RELN: variants seen among roughly 807,000 people sequenced by gnomAD.
RELN encodes the protein reelin.
RELN carries 108 observed loss-of-function variants against 427.6 expected under a neutral mutation model. That is an observed-to-expected ratio of 0.25 (90% confidence interval 0.22 to 0.30). RELN has a LOEUF of 0.30. Ranked by LOEUF, RELN falls within the 10% of genes least tolerant of loss-of-function variation. The probability of loss-of-function intolerance (pLI) is 1.00; values close to 1 mark genes in which losing one functional copy is unlikely to be tolerated. For missense variants in RELN, 3,715 were observed against 4,302.8 expected (o/e 0.86, Z 3.82); for synonymous variants, 1,524 against 1,513.4 (o/e 1.01, Z -0.16).
rs939354305 is a variant in RELN at position 103,603,165 on chromosome 7, A to G, written c.3333+139T>C. 1.3e-6 allele frequency: 1 copy of G among 755,382 alleles called. No homozygotes were observed. The highest frequency in any genetic ancestry group is 2.4e-6 in the Non-Finnish European group (1 of 421,744). 46.8% of individuals were successfully genotyped at this position (755,382 alleles called of 1,614,324 possible). A position where few individuals can be genotyped will look rare whatever the true frequency, so the allele number is the denominator to read the frequency against. On this transcript the variant is annotated intron_variant, in intron 24 of 64. Transcript: ENST00000428762. This position sits in a 1 kb window ranked among gnomAD's most constrained non-coding sequence, Gnocchi z 4.3. Reference sequence around the variant, plus strand: ...GAATTTCCCAAGACATAGCTAAGGAATAGGAATTTGATAGAGCCCACTCAA... The same window carrying G: ...GAATTTCCCAAGACATAGCTAAGGAGTAGGAATTTGATAGAGCCCACTCAA...
chr7:103,807,640 T>C (rs1038252777), intron 3 of RELN, among the ~76,000 whole-genome samples: 1 of 152,006 alleles, frequency 6.6e-6, no homozygotes, highest in African/African-American at 2.4e-5. Flanking sequence ...CAGTCCCCAG[T>C]GTCTATTGCT....
chr7:103,618,903 G>A (rs935806516), intron 20 of RELN, among the ~76,000 whole-genome samples: 1 of 152,106 alleles, frequency 6.6e-6, no homozygotes, highest in Non-Finnish European at 1.5e-5. Context: ...ACGAGGTCAG[G>A]AGATCGAAAC....
rs2711845 is a variant in RELN at position 103,492,333 on chromosome 7, A to G, written c.9370-307T>C. Among the ~76,000 whole-genome samples, 15,930 of 152,260 alleles carry G rather than the reference A, an allele frequency of 0.1. 1,260 individuals carry two copies. The highest frequency in any genetic ancestry group is 0.22 in the African/African-American group (9,165 of 41,514). ...AAAGAAAGTAACATTAGTCAAATTT[A>G]TAGACAGAAACTGAAAGTATCACTG... On this transcript the variant is annotated intron_variant, in intron 57 of 64. Coordinates refer to ENST00000428762, the MANE Select transcript of RELN (RefSeq NM_005045.4).
intron 8 of RELN, among the ~76,000 whole-genome samples, chr7:103,715,762 C>A (rs915993501): frequency 6.6e-6 from 1 of 152,228 alleles, no homozygotes; most frequent in Non-Finnish European, 1.5e-5. Flanking sequence ...GAAGGCCAAG[C>A]CACATTCCAA....
chr7:103,931,412 T>C (rs1259846040), intron 1 of RELN, among the ~76,000 whole-genome samples: 2 of 152,210 alleles, frequency 1.3e-5, no homozygotes, highest in Non-Finnish European at 2.9e-5. Context: ...CTCTCAGCTC[T>C]GTGAAGCTTA....
intron 1 of RELN, among the ~76,000 whole-genome samples, chr7:103,926,762 A>T (rs1795751247): frequency 6.7e-6 from 1 of 149,406 alleles, no homozygotes; most frequent in Non-Finnish European, 1.5e-5. Context: ...TTCCTGCCTC[A>T]GCCTCCCGAG....
chr7:103,834,147 G>A (rs1793344308), intron 2 of RELN, among the ~76,000 whole-genome samples: 1 of 152,156 alleles, frequency 6.6e-6, no homozygotes. Flanking sequence ...AGTCCTATTT[G>A]GGAGGTTTCA....
At chr7:103,733,382 C>T (rs919332067) in intron 6 of RELN, among the ~76,000 whole-genome samples, 21 of 141,058 alleles carry the variant, frequency 1.5e-4, no homozygotes, top group Admixed American at 1.0e-3. Context: ...GTCAGTGTGG[C>T]GATTCCTCAG....
intron 51 of RELN, among the ~76,000 whole-genome samples, chr7:103,504,767 C>T (rs911326070): frequency 2.0e-5 from 3 of 152,198 alleles, no homozygotes; most frequent in Non-Finnish European, 4.4e-5. Flanking sequence ...AGGACATTCC[C>T]TTCGGTGCCT....
rs928391706 is a variant in RELN at position 103,689,683 on chromosome 7, G to T, written c.1144-7422C>A. Among the ~76,000 whole-genome samples the T allele has an allele frequency of 2.6e-4, 39 of 152,126 alleles. 1 individual carries two copies. Among genetic ancestry groups the T allele is most frequent in the African/African-American group, 9.4e-4 (39 of 41,510 alleles). Reference sequence around the variant, plus strand: ...CACTGCTTCATGGGGTACTATTAAAGGATGAGGAAAACAAAAAAATAAAAA... The same window carrying T: ...CACTGCTTCATGGGGTACTATTAAATGATGAGGAAAACAAAAAAATAAAAA... On this transcript the variant is annotated intron_variant, in intron 10 of 64. Coordinates refer to ENST00000428762, the MANE Select transcript of RELN (RefSeq NM_005045.4).
chr7:103,921,435 G>C (rs1255366337), intron 1 of RELN, among the ~76,000 whole-genome samples: 1 of 151,974 alleles, frequency 6.6e-6, no homozygotes, highest in African/African-American at 2.4e-5. Flanking sequence ...TTCCCTCTTG[G>C]AGTCAATTTT....
chr7:103,942,378 A>C (rs2116739467), intron 1 of RELN, among the ~76,000 whole-genome samples: 1 of 152,322 alleles, frequency 6.6e-6, no homozygotes, highest in East Asian at 1.9e-4. Context: ...TATATAAATG[A>C]GATCACAGAG....
chr7:103,573,882 C>T lies in RELN; in HGVS notation c.4511+210G>A, dbSNP rs1830937266. The stretch of plus-strand genomic sequence containing the variant: ...GACACACAGGCCTTGGTGATGACCA[C>T]ACATGGATTTATGAATTGCAGCATG... On this transcript the variant is annotated intron_variant, in intron 30 of 64. Transcript: ENST00000428762. This position sits in a 1 kb window ranked among gnomAD's most constrained non-coding sequence, Gnocchi z 4.4. 6.6e-6 allele frequency among the ~76,000 whole-genome samples: 1 copy of T among 152,174 alleles called. No individual in the cohort carries two copies. Among genetic ancestry groups the T allele is most frequent in the Admixed American group, 6.5e-5 (1 of 15,280 alleles).
chr7:103,728,007 T>C, intron 7 of RELN, 104 bp downstream of exon 7: 1 of 1,048,862 alleles, frequency 9.5e-7, no homozygotes, highest in Non-Finnish European at 1.5e-6. Flanking sequence ...ATAAATCATA[T>C]TTGAATTTTC....
At chr7:103,970,182 A>C (rs1584409889) in intron 1 of RELN, among the ~76,000 whole-genome samples, 1 of 145,500 alleles carries the variant, frequency 6.9e-6, no homozygotes. Context: ...TGGCTCAGTC[A>C]CCCAGCCTGG....
At chr7:103,685,618 A>T (rs1474542224) in intron 10 of RELN, among the ~76,000 whole-genome samples, 1 of 152,070 alleles carries the variant, frequency 6.6e-6, no homozygotes, top group Non-Finnish European at 1.5e-5. Flanking sequence ...ATTATTATAT[A>T]ATTATAATTG....
chr7:103,891,379 C>T (rs1794845331), intron 2 of RELN, among the ~76,000 whole-genome samples: 3 of 152,066 alleles, frequency 2.0e-5, no homozygotes, highest in Admixed American at 2.0e-4. Flanking sequence ...ATTGTGCTGG[C>T]CATGGTAATT....
Position 103,489,755 on chromosome 7 carries a change from G to T in RELN, c.9750C>A (p.Asp3250Glu). 5.6e-6 allele frequency: 9 copies of T among 1,614,042 alleles called. No homozygotes were observed. Among genetic ancestry groups the T allele is most frequent in the Non-Finnish European group, 7.6e-6 (9 of 1,179,994 alleles). Residue 3250 changes from aspartate (D) to glutamate (E), a missense_variant, in exon 60 of 65, where the codon GAC becomes GAA. By Grantham distance (45) the Asp-to-Glu change is conservative. This residue lies in a region of RELN where 195 missense variants were observed against 281.3 expected (regional missense o/e 0.69). Transcript: ENST00000428762. ...TGGGATTCAGACCTTGGAAGCTCTC[G>T]TCGCAGATGCAGATGGCACCGGTCG... ...YCTTGAICIC[D>E]ESFQGDDCSV... is the part of the protein sequence containing the mutation.
At chr7:103,502,333 A>G (rs1259542268) in intron 52 of RELN, among the ~76,000 whole-genome samples, 1 of 152,238 alleles carries the variant, frequency 6.6e-6, no homozygotes, top group African/African-American at 2.4e-5. Context: ...AAGACTCTTT[A>G]TGTTTCACAA....
Sources: gnomAD v4.1 joint callset for allele counts (sites outside exome capture counted in the v4.1 genomes callset) on GRCh38, gnomAD v4.1.1 for gene constraint, gnomAD v4.1.1 regional missense constraint, Gnocchi (gnomAD v3.1) non-coding constraint, MANE v1.5 for transcripts, NCBI Gene and HGNC (gene_info 2026-07-23, HGNC 2026-07-21) for gene names.